Variants in MARCHF11 observed in about 807,000 individuals in gnomAD.
The protein encoded by MARCHF11 is membrane associated ring-CH-type finger 11.
In MARCHF11, 29 loss-of-function variants were observed where a neutral mutation model predicts 37.3. The observed-to-expected ratio is 0.78, with a 90% CI of 0.58 to 1.06. The LOEUF (loss-of-function observed/expected upper bound fraction) is 1.06, where lower values mean the gene tolerates loss of function less well. MARCHF11 is among the 50% of genes least tolerant of loss of function. The pLI, the probability that MARCHF11 is intolerant of heterozygous loss-of-function variation, is 0.00. For missense variants in MARCHF11, 482 were observed against 533.4 expected (o/e 0.90, Z 0.95); for synonymous variants, 233 against 228.0 (o/e 1.02, Z -0.20).
intron 2 of MARCHF11, among the ~76,000 whole-genome samples, chr5:16,100,693 T>C (rs1030905480): frequency 1.3e-5 from 2 of 152,144 alleles, no homozygotes; most frequent in Non-Finnish European, 2.9e-5. Context: ...AGGAGTTGAA[T>C]CCTGTTTCCA....
intron 3 of MARCHF11, among the ~76,000 whole-genome samples, chr5:16,072,510 C>CTGTGTGTGTGTG (rs34699021): frequency 8.0e-4 from 118 of 146,716 alleles, no homozygotes; most frequent in East Asian, 5.4e-3. Context: ...CTCTCTCACT[C>CTGTGTGTGTGTG]TGTGTGTGTG....
At chr5:16,166,016 T>C (rs1356312430) in intron 2 of MARCHF11, among the ~76,000 whole-genome samples, 1 of 152,126 alleles carries the variant, frequency 6.6e-6, no homozygotes, top group Admixed American at 6.6e-5. Context: ...CCCATTTACT[T>C]ATTTGTTTGA....
intron 2 of MARCHF11, among the ~76,000 whole-genome samples, chr5:16,117,539 G>A (rs1263224897): frequency 6.6e-6 from 1 of 152,220 alleles, no homozygotes; most frequent in African/African-American, 2.4e-5. Flanking sequence ...TGAGCCTACA[G>A]GAAGGCCTCA....
intron 2 of MARCHF11, among the ~76,000 whole-genome samples, chr5:16,166,790 G>A (rs1738175825): frequency 6.6e-6 from 1 of 151,836 alleles, no homozygotes; most frequent in African/African-American, 2.4e-5. Flanking sequence ...TTATAAGAAT[G>A]TACCCCACTC....
At chr5:16,126,679 G>A (rs1737415343) in intron 2 of MARCHF11, among the ~76,000 whole-genome samples, 1 of 152,182 alleles carries the variant, frequency 6.6e-6, no homozygotes, top group African/African-American at 2.4e-5. Context: ...CTTTGGTCCT[G>A]TGTACAGCAT....
chr5:16,171,645 C>T (rs1738268277), intron 2 of MARCHF11, among the ~76,000 whole-genome samples: 1 of 152,182 alleles, frequency 6.6e-6, no homozygotes, highest in Non-Finnish European at 1.5e-5. Context: ...TGGTAGCTTT[C>T]ATGCTAGGAC....
intron 3 of MARCHF11, among the ~76,000 whole-genome samples, chr5:16,070,085 T>C (rs76535217): frequency 0.032 from 4,892 of 152,300 alleles, 224 homozygotes; most frequent in African/African-American, 0.11. Flanking sequence ...TTTCAAATAA[T>C]TGTTTTTATC....
At chr5:16,098,927 T>G (rs1736913189) in intron 2 of MARCHF11, among the ~76,000 whole-genome samples, 1 of 152,098 alleles carries the variant, frequency 6.6e-6, no homozygotes, top group African/African-American at 2.4e-5. Flanking sequence ...ATCTACAAAC[T>G]GTTGTTAGAT....
At chr5:16,161,237 C>T (rs1191649611) in intron 2 of MARCHF11, among the ~76,000 whole-genome samples, 2 of 132,866 alleles carry the variant, frequency 1.5e-5, no homozygotes, top group Non-Finnish European at 3.1e-5. Flanking sequence ...CTAAATTAGT[C>T]CACTATGAAA....
At chr5:16,173,253 G>A (rs1195962566) in intron 2 of MARCHF11, among the ~76,000 whole-genome samples, 1 of 152,168 alleles carries the variant, frequency 6.6e-6, no homozygotes, top group Non-Finnish European at 1.5e-5. Flanking sequence ...CCCTTTGACT[G>A]ATGCTCAGCC....
intron 2 of MARCHF11, among the ~76,000 whole-genome samples, chr5:16,175,877 GATA>G (rs1238744778): frequency 4.6e-5 from 7 of 152,198 alleles, no homozygotes; most frequent in Admixed American, 4.6e-4. Flanking sequence ...TCAGGTTACA[GATA>G]ATAGTAGTAT....
chr5:16,144,511 G>A (rs536449353), intron 2 of MARCHF11, among the ~76,000 whole-genome samples: 2 of 152,224 alleles, frequency 1.3e-5, no homozygotes, highest in African/African-American at 4.8e-5. Context: ...TGTGCTCACT[G>A]ATGTCTCCTA....
At chr5:16,150,924 T>C (rs964444612) in intron 2 of MARCHF11, among the ~76,000 whole-genome samples, 2 of 152,026 alleles carry the variant, frequency 1.3e-5, no homozygotes, top group Non-Finnish European at 2.9e-5. Context: ...TCTACACCCA[T>C]TCAGATCCTA....
chr5:16,068,041 C>T (rs922027004), intron 3 of MARCHF11, among the ~76,000 whole-genome samples: 1 of 152,092 alleles, frequency 6.6e-6, no homozygotes, highest in Non-Finnish European at 1.5e-5. Flanking sequence ...GATATAATTT[C>T]CTTGCTCCAT....
chr5:16,111,418 C>T (rs943852949), intron 2 of MARCHF11, among the ~76,000 whole-genome samples: 11 of 152,254 alleles, frequency 7.2e-5, no homozygotes, highest in Non-Finnish European at 1.0e-4. Context: ...GTGACTCTTG[C>T]TATGTTTTAG....
intron 2 of MARCHF11, among the ~76,000 whole-genome samples, chr5:16,169,792 G>A (rs1343929297): frequency 6.6e-6 from 1 of 152,088 alleles, no homozygotes; most frequent in Non-Finnish European, 1.5e-5. Flanking sequence ...GTAATTGCAG[G>A]TGATTATCTA....
chr5:16,137,188 C>T (rs1737623491), intron 2 of MARCHF11, among the ~76,000 whole-genome samples: 1 of 152,154 alleles, frequency 6.6e-6, no homozygotes, highest in Admixed American at 6.5e-5. Context: ...TATGGTTTGG[C>T]TGTGTCCCCA....
chr5:16,091,618 A>G (rs1172717972), intron 2 of MARCHF11, among the ~76,000 whole-genome samples: 2 of 152,222 alleles, frequency 1.3e-5, no homozygotes, highest in African/African-American at 2.4e-5. Flanking sequence ...AAAATTGTAC[A>G]TTATCTGTTA....
intron 2 of MARCHF11, among the ~76,000 whole-genome samples, chr5:16,119,072 A>C (rs552866684): frequency 6.6e-6 from 1 of 152,256 alleles, no homozygotes; most frequent in South Asian, 2.1e-4. Context: ...TTAAGAGTCA[A>C]GGAAGAGTGA....
Sources: allele counts gnomAD v4.1 joint callset (sites outside exome capture counted in the v4.1 genomes callset), GRCh38; gene constraint gnomAD v4.1.1; transcripts MANE v1.5; gene names NCBI Gene and HGNC (gene_info 2026-07-23, HGNC 2026-07-21).